Variants in MYL12A observed in about 807,000 individuals in gnomAD.
MYL12A encodes the protein myosin light chain 12A.
Under a neutral mutation model 13.3 loss-of-function variants are expected in MYL12A, and 11 were observed. That is an observed-to-expected ratio of 0.83 (90% CI 0.52 to 1.37). MYL12A has a LOEUF of 1.37. MYL12A is among the 40% of genes most tolerant of loss of function. MYL12A has a pLI of 0.00. For missense variants in MYL12A, 146 were observed against 212.3 expected (o/e 0.69, Z 1.94); for synonymous variants, 51 against 69.9 (o/e 0.73, Z 1.35).
chr18:3,249,477 C>G (rs1317959802), intron 1 of MYL12A: 5 of 152,222 alleles, frequency 3.3e-5, no homozygotes, highest in African/African-American at 1.2e-4. Context: ...ACTCAGTCTC[C>G]TAACTGCCCT....
chr18:3,253,867 A>G (rs201254375), intron 2 of MYL12A, 22 bp from the exon 3 acceptor site: 1 of 1,586,448 alleles, frequency 6.3e-7, no homozygotes. Context: ...AATTAAAATT[A>G]TGACCCCTTT....
intron 1 of MYL12A, chr18:3,249,752 A>G (rs1336261263): frequency 1.3e-5 from 2 of 152,214 alleles, no homozygotes; most frequent in Non-Finnish European, 1.5e-5. Flanking sequence ...TACTAAAAAT[A>G]CAAAAATTAG....
chr18:3,256,053 C>A lies in MYL12A; in HGVS notation c.*135C>A. The A allele has an allele frequency of 8.7e-7, 1 of 1,144,120 alleles. No individual in the cohort carries two copies. Among genetic ancestry groups the A allele is most frequent in the Non-Finnish European group, 1.2e-6 (1 of 811,710 alleles). The allele number at this position is 1,144,120 out of a possible 1,614,324, so 70.9% of individuals were successfully genotyped here. ...TCTCAGCCATTTTGGGCATATGTAT[C>A]TTTATAATCAGACTGGAAACGGGAC... On this transcript the variant is annotated 3_prime_UTR_variant, in exon 4 of 4. Transcript: ENST00000217652.
Position 3,256,124 on chromosome 18 carries a change from C to T in MYL12A, c.*206C>T. On this transcript the variant is annotated 3_prime_UTR_variant, in exon 4 of 4. Coordinates refer to ENST00000217652, the MANE Select transcript of MYL12A (RefSeq NM_006471.4). ...AGAATAAAAAATAGGATAATTTAAC[C>T]TACCAGCCCTTCTCCCCCAATAACT... The T allele has an allele frequency of 3.1e-6, 2 of 635,458 alleles. No homozygotes were observed. The highest frequency in any genetic ancestry group is 4.2e-5 in the South Asian group (2 of 47,580). 39.4% of individuals were successfully genotyped at this position (635,458 alleles called of 1,614,324 possible). A position where few individuals can be genotyped will look rare whatever the true frequency, so the allele number is the denominator to read the frequency against.
Position 3,253,982 on chromosome 18 carries a change from A to G in MYL12A, c.275A>G (p.Lys92Arg). ...ATGTTCCTCACCATGTTTGGTGAGA[A>G]GTTAAATGGCACAGATCCTGAAGAT... Reference protein sequence around the residue: ...FTMFLTMFGEKLNGTDPEDVI... With the variant: ...FTMFLTMFGERLNGTDPEDVI... Residue 92 changes from lysine (K) to arginine (R), a missense_variant, in exon 3 of 4, where the codon AAG becomes AGG. Coordinates refer to ENST00000217652, the MANE Select transcript of MYL12A (RefSeq NM_006471.4). 6.2e-7 allele frequency: 1 copy of G among 1,613,926 alleles called. No homozygotes were observed. The highest frequency in any genetic ancestry group is 8.5e-7 in the Non-Finnish European group (1 of 1,179,882).
intron 3 of MYL12A, chr18:3,255,472 T>C (rs139711944): frequency 6.4e-6 from 2 of 311,686 alleles, no homozygotes; most frequent in Non-Finnish European, 1.2e-5. Context: ...TGTTTAGGCA[T>C]AGGTTTAGTC....
At chr18:3,254,500 T>G (rs1317185383) in intron 3 of MYL12A, among the ~76,000 whole-genome samples, 2 of 152,260 alleles carry the variant, frequency 1.3e-5, no homozygotes, top group African/African-American at 4.8e-5. Context: ...GGGTCTGGAA[T>G]TAGACTATCT....
Position 3,254,030 on chromosome 18 carries a change from G to A in MYL12A, c.323G>A (p.Cys108Tyr). 2 of 1,612,198 alleles carry A rather than the reference G, an allele frequency of 1.2e-6. No individual in the cohort carries two copies. The highest frequency in any genetic ancestry group is 1.7e-6 in the Non-Finnish European group (2 of 1,179,440). Reference sequence around the variant, plus strand: ...GATGTCATCAGAAATGCCTTTGCTTGCTTTGATGAAGAAGCAACTGGTAAG... The same window carrying A: ...GATGTCATCAGAAATGCCTTTGCTTACTTTGATGAAGAAGCAACTGGTAAG... ...PEDVIRNAFA[C>Y]FDEEATGTIQ... The change falls in exon 3 of 4, where the codon TGC becomes TAC. Residue 108 changes from cysteine to tyrosine, a missense_variant. Physicochemically the swap from Cys to Tyr is radical, Grantham distance 194. Transcript: ENST00000217652.
intron 1 of MYL12A, chr18:3,248,732 G>A (rs1237706530): frequency 6.6e-6 from 1 of 152,212 alleles, no homozygotes; most frequent in Non-Finnish European, 1.5e-5. Context: ...TTACTGGCAA[G>A]TCAGCCCTCA....
Sources: gnomAD v4.1 joint callset for allele counts (sites outside exome capture counted in the v4.1 genomes callset) on GRCh38, gnomAD v4.1.1 for gene constraint, MANE v1.5 for transcripts, NCBI Gene and HGNC (gene_info 2026-07-23, HGNC 2026-07-21) for gene names.